LPIN2: variants seen among roughly 807,000 people sequenced by gnomAD.
LPIN2 encodes phosphatidate phosphatase LPIN2.
A neutral mutation model predicts 111.4 loss-of-function variants in LPIN2; 55 were observed. The observed-to-expected ratio is 0.49, with a 90% CI of 0.40 to 0.62. The LOEUF (loss-of-function observed/expected upper bound fraction) is 0.62, where lower values mean the gene tolerates loss of function less well. Among genes scored for constraint, LPIN2 ranks in the 20% least tolerant of loss-of-function variants. LPIN2 has a pLI of 0.00. For missense variants in LPIN2, 992 were observed against 1,112.1 expected (o/e 0.89, Z 1.54); for synonymous variants, 425 against 414.0 (o/e 1.03, Z -0.32).
At chr18:2,923,239 G>T (rs2077081440) in intron 16 of LPIN2, among the ~76,000 whole-genome samples, 1 of 151,978 alleles carries the variant, frequency 6.6e-6, no homozygotes, top group Non-Finnish European at 1.5e-5. Context: ...TGACCAACAT[G>T]ATGAAACCCC....
rs1380205940 is a variant in LPIN2 at position 2,920,966 on chromosome 18, G to A, written c.2443-85C>T. 6 of 910,098 alleles carry A rather than the reference G, an allele frequency of 6.6e-6. No homozygotes were observed. In the African/African-American group the frequency reaches 8.1e-5, roughly 12 times the overall value. The allele number at this position is 910,098 out of a possible 1,614,324, so 56.4% of individuals were successfully genotyped here. ...AGGCTCCTTGTGAGCCAGAAGCACT[G>A]CACAGACAGACTCGACAGAAAACAT... On this transcript the variant is annotated intron_variant, in intron 18 of 19. Coordinates refer to ENST00000677752, the MANE Select transcript of LPIN2 (RefSeq NM_001375808.2).
chr18:2,922,775 C>A (rs1423185384), intron 16 of LPIN2, among the ~76,000 whole-genome samples: 3 of 152,106 alleles, frequency 2.0e-5, no homozygotes, highest in Non-Finnish European at 4.4e-5. Context: ...GCATCTAGTC[C>A]ATGAAAGCCA....
chr18:2,937,817 G>C lies in LPIN2; in HGVS notation c.1043C>G (p.Pro348Arg), dbSNP rs34676691. 3.7e-6 allele frequency: 6 copies of C among 1,614,020 alleles called. No homozygotes were observed. The highest frequency in any genetic ancestry group is 3.3e-5 in the Admixed American group (2 of 60,002). Residue 348 changes from proline to arginine, a missense_variant, in exon 7 of 20, where the codon CCT (proline) becomes CGT (arginine). Around this residue, in one of 4 missense-constraint regions of LPIN2, gnomAD observed 709 missense variants for 753.2 expected, o/e 0.94. Coordinates refer to ENST00000677752, the MANE Select transcript of LPIN2 (RefSeq NM_001375808.2). ...TGAAATCTGAGTACTCTCAAGAGGA[G>C]GTTCGAGAAGCTCTGCCACAGATGT... ...DPTSVAELLE[P>R]PLESTQISSM...
intron 7 of LPIN2, 88 bp downstream of exon 7, chr18:2,937,604 C>G: frequency 5.3e-6 from 4 of 759,390 alleles, no homozygotes; most frequent in Admixed American, 4.2e-5. Context: ...AATACAAATA[C>G]AGAGGCAGCC....
intron 4 of LPIN2, among the ~76,000 whole-genome samples, chr18:2,943,266 T>C (rs2077392671): frequency 6.6e-6 from 1 of 152,110 alleles, no homozygotes; most frequent in South Asian, 2.1e-4. Context: ...GACAAACCGA[T>C]AGTAAAACAT....
intron 1 of LPIN2, among the ~76,000 whole-genome samples, chr18:2,971,102 C>T (rs568186787): frequency 6.6e-6 from 1 of 152,302 alleles, no homozygotes; most frequent in African/African-American, 2.4e-5. Flanking sequence ...ATAAACATCA[C>T]CTATTTCATC....
At chr18:2,924,074 G>T (rs1352479663) in intron 15 of LPIN2, among the ~76,000 whole-genome samples, 1 of 152,186 alleles carries the variant, frequency 6.6e-6, no homozygotes, top group Non-Finnish European at 1.5e-5. Context: ...CGCCAGATGT[G>T]TGTGTTCGGA....
rs540396621 is a variant in LPIN2 at position 2,969,027 on chromosome 18, A to G, written c.-9-8178T>C. ...ACCAACTTAGAGATATGGAAATAAA[A>G]AGAGTAGACCTGGTGGGGAACTTCC... On this transcript the variant is annotated intron_variant, in intron 1 of 19. Coordinates refer to ENST00000677752, the MANE Select transcript of LPIN2 (RefSeq NM_001375808.2). Among the ~76,000 whole-genome samples, 343 of 152,312 alleles carry G rather than the reference A, an allele frequency of 2.3e-3. 1 individual carries two copies. The highest frequency in any genetic ancestry group is 8.0e-3 in the African/African-American group (331 of 41,566).
At chr18:2,979,192 G>C (rs150833452) in intron 1 of LPIN2, 2 of 152,378 alleles carry the variant, frequency 1.3e-5, no homozygotes, top group East Asian at 3.9e-4. Flanking sequence ...CTCTAGGCCA[G>C]GCCAGCAGCC....
chr18:2,936,580 A>AT (rs1338531987), intron 7 of LPIN2, among the ~76,000 whole-genome samples: 21 of 151,780 alleles, frequency 1.4e-4, no homozygotes, highest in African/African-American at 4.8e-4. Context: ...GGTAATTTTT[A>AT]TTTTTTCTTA....
chr18:3,006,010 C>T (rs1345636854), intron 1 of LPIN2, among the ~76,000 whole-genome samples: 2 of 152,180 alleles, frequency 1.3e-5, no homozygotes, highest in Admixed American at 6.5e-5. Flanking sequence ...GGCAGGTCAT[C>T]GCTACCACAT....
Position 2,988,592 on chromosome 18 carries a change from T to C in LPIN2, c.-10+24495A>G, listed in dbSNP as rs374271259. ...TCCAATTCCAGATGGTGACGGTAAT[T>C]GCAATCTCCAGTGAGGGTAAAGCCT... is the stretch of plus-strand genomic sequence containing the variant. On this transcript the variant is annotated intron_variant, in intron 1 of 19. Coordinates refer to ENST00000677752, the MANE Select transcript of LPIN2 (RefSeq NM_001375808.2). Among the ~76,000 whole-genome samples the C allele has an allele frequency of 3.9e-5, 6 of 152,206 alleles. No homozygotes were observed. In the East Asian group the frequency reaches 7.7e-4, roughly 20 times the overall value.
chr18:2,949,280 C>A (rs73375275), intron 4 of LPIN2, among the ~76,000 whole-genome samples: 82 of 152,180 alleles, frequency 5.4e-4, no homozygotes, highest in African/African-American at 2.0e-3. Context: ...GCTTAAATTT[C>A]TTTGGGAATC....
At chr18:2,986,997 G>A (rs765876184) in intron 1 of LPIN2, among the ~76,000 whole-genome samples, 20 of 152,148 alleles carry the variant, frequency 1.3e-4, no homozygotes, top group Non-Finnish European at 2.8e-4. Flanking sequence ...GAGGGGGCCT[G>A]TTAATTGCCT....
intron 2 of LPIN2, among the ~76,000 whole-genome samples, chr18:2,958,169 A>AC (rs2077649788): frequency 6.8e-6 from 1 of 146,658 alleles, no homozygotes; most frequent in African/African-American, 2.5e-5. Flanking sequence ...AACAAAAAAA[A>AC]AAAACAGAAA....
intron 1 of LPIN2, among the ~76,000 whole-genome samples, chr18:3,008,095 TTTATAA>T (rs1168890927): frequency 1.3e-5 from 2 of 152,230 alleles, no homozygotes; most frequent in African/African-American, 4.8e-5. Context: ...GAACTTTTTG[TTTATAA>T]TTATGATTCC....
At chr18:2,924,352 G>C (rs1298872475) in intron 15 of LPIN2, 46 bp downstream of exon 15, 1 of 1,612,166 alleles carries the variant, frequency 6.2e-7, no homozygotes. Flanking sequence ...GCCCCTCCCT[G>C]AGCACGGGGC....
At position 2,921,618 on chromosome 18, in the gene LPIN2, AACTTCTCTGGTTTCTTTTCTATC is replaced by A; in HGVS notation, c.2334_2356del (p.Ile779GlnfsTer3). 6.2e-7 allele frequency: 1 copy of A among 1,613,484 alleles called. No individual in the cohort carries two copies. The highest frequency in any genetic ancestry group is 8.5e-7 in the Non-Finnish European group (1 of 1,179,400). ...GATATCATTTAGACACTCAATTTTG[AACTTCTCTGGTTTCTTTTCTATC>A]ACTTCTCTAAGAAAAAAATACAAAT... On this transcript the variant is annotated frameshift_variant, in exon 18 of 20. Coordinates refer to ENST00000677752, the MANE Select transcript of LPIN2 (RefSeq NM_001375808.2). LOFTEE classifies it high-confidence loss of function.
chr18:2,952,037 C>G (rs1167527305), intron 3 of LPIN2, among the ~76,000 whole-genome samples: 2 of 152,132 alleles, frequency 1.3e-5, no homozygotes, highest in Non-Finnish European at 2.9e-5. Context: ...ACTAAATAAA[C>G]GATCAAGTCT....
Sources: gnomAD v4.1 joint callset for allele counts (sites outside exome capture counted in the v4.1 genomes callset) on GRCh38, gnomAD v4.1.1 for gene constraint, gnomAD v4.1.1 regional missense constraint, MANE v1.5 for transcripts, NCBI Gene and HGNC (gene_info 2026-07-23, HGNC 2026-07-21) for gene names.